The following PCDHGB4 variants were observed in gnomAD, a reference collection of about 807,000 sequenced individuals.
The protein encoded by PCDHGB4 is protocadherin gamma-B4.
In PCDHGB4, 38 loss-of-function variants were observed where a neutral mutation model predicts 60.5. That is an observed-to-expected ratio of 0.63 (90% confidence interval 0.48 to 0.82). The LOEUF is 0.82. PCDHGB4 is among the 40% of genes least tolerant of loss of function. The pLI, the probability that PCDHGB4 is intolerant of heterozygous loss-of-function variation, is 0.00. For missense variants in PCDHGB4, 1,109 were observed against 1,209.6 expected (o/e 0.92, Z 1.23); for synonymous variants, 456 against 509.7 (o/e 0.89, Z 1.42).
At chr5:141,496,121 C>G (rs1391009290) in intron 2 of PCDHGB4, among the ~76,000 whole-genome samples, 1 of 152,088 alleles carries the variant, frequency 6.6e-6, no homozygotes, top group Non-Finnish European at 1.5e-5. Context: ...TCCTTCCCTG[C>G]CCCTCACACA....
At chr5:141,414,629 G>A (rs2095766704) in intron 1 of PCDHGB4, 2 of 1,613,882 alleles carry the variant, frequency 1.2e-6, no homozygotes, top group Non-Finnish European at 1.7e-6. Context: ...GACCCGGACA[G>A]CAAAGAGAAT....
At chr5:141,434,980 CTA>C in intron 1 of PCDHGB4, among the ~76,000 whole-genome samples, 1 of 151,954 alleles carries the variant, frequency 6.6e-6, no homozygotes, top group East Asian at 1.9e-4. Flanking sequence ...TGTTAATACT[CTA>C]TATCATTTTC....
intron 1 of PCDHGB4, chr5:141,427,848 C>A: frequency 6.4e-7 from 1 of 1,551,668 alleles, no homozygotes; most frequent in Non-Finnish European, 8.8e-7. Flanking sequence ...CGACCACGAG[C>A]AGCTGTGCGC....
chr5:141,394,204 A>G (rs749979763), intron 1 of PCDHGB4: 4 of 1,613,914 alleles, frequency 2.5e-6, no homozygotes, highest in Non-Finnish European at 3.4e-6. Context: ...ATCCTAGAGA[A>G]CAACCTGAGA....
At position 141,402,030 on chromosome 5, in the gene PCDHGB4, A is replaced by C. The variant is rs188760101; in HGVS notation, c.2397+11749A>C. On this transcript the variant is annotated intron_variant, in intron 1 of 3. Transcript: ENST00000519479. Reference sequence around the variant, plus strand: ...ATATGCATTTGAATCATTGAAACACAGTCTGTGCATGCATTACATATTCAC... The same window carrying C: ...ATATGCATTTGAATCATTGAAACACCGTCTGTGCATGCATTACATATTCAC... Among the ~76,000 whole-genome samples the C allele has an allele frequency of 1.4e-3, 213 of 152,348 alleles. 1 individual carries two copies. The highest frequency in any genetic ancestry group is 4.8e-3 in the African/African-American group (199 of 41,586).
intron 1 of PCDHGB4, chr5:141,441,650 G>C (rs932742795): frequency 8.4e-6 from 2 of 238,510 alleles, no homozygotes; most frequent in African/African-American, 2.4e-5. Context: ...TGTGATTCTA[G>C]GTGTCCTTGA....
At chr5:141,406,436 T>C (rs1207276044) in intron 1 of PCDHGB4, among the ~76,000 whole-genome samples, 3 of 152,234 alleles carry the variant, frequency 2.0e-5, no homozygotes, top group Non-Finnish European at 4.4e-5. Context: ...TTGCTTCTAT[T>C]CTTCCATTTC....
chr5:141,506,085 G>A lies in PCDHGB4; in HGVS notation c.2545+604G>A, dbSNP rs532931472. Among the ~76,000 whole-genome samples the A allele has an allele frequency of 2.6e-4, 39 of 152,168 alleles. 1 individual carries two copies. In the South Asian group the frequency reaches 2.9e-3, roughly 11 times the overall value. On this transcript the variant is annotated intron_variant, in intron 3 of 3. Coordinates refer to ENST00000519479, the MANE Select transcript of PCDHGB4 (RefSeq NM_003736.4). ...AGGGCTTCCTTTGTAATAGAGATTC[G>A]GCTAGTGGTGGTTGTCCCTGAAGAG...
intron 1 of PCDHGB4, chr5:141,420,313 C>T (rs751944742): frequency 1.6e-5 from 23 of 1,434,756 alleles, no homozygotes; most frequent in Non-Finnish European, 2.2e-5. Flanking sequence ...TTTTATATTA[C>T]AATATGCCAA....
At chr5:141,483,854 T>C (rs2154580004) in intron 1 of PCDHGB4, among the ~76,000 whole-genome samples, 1 of 152,236 alleles carries the variant, frequency 6.6e-6, no homozygotes, top group South Asian at 2.1e-4. Flanking sequence ...ATTAAGAAAT[T>C]TCATGTCCAG....
intron 1 of PCDHGB4, chr5:141,492,073 G>C (rs2099736846): frequency 6.2e-6 from 3 of 480,898 alleles, no homozygotes; most frequent in Non-Finnish European, 1.1e-5. Flanking sequence ...CCTAGGCGCC[G>C]GCTCCGGCAC....
At position 141,432,360 on chromosome 5, in the gene PCDHGB4, C is replaced by T; in HGVS notation, c.2397+42079C>T. On this transcript the variant is annotated intron_variant, in intron 1 of 3. Transcript: ENST00000519479. This position sits in a 1 kb window ranked among gnomAD's most constrained non-coding sequence, Gnocchi z 6.0. Reference sequence around the variant, plus strand: ...CGAGACTTGCAAGTGAAAGTGATGGCGCGGGACAACGGGCACCCGCCCCTC... The same window carrying T: ...CGAGACTTGCAAGTGAAAGTGATGGTGCGGGACAACGGGCACCCGCCCCTC... 1.9e-6 allele frequency: 3 copies of T among 1,614,228 alleles called. No individual in the cohort carries two copies. The highest frequency in any genetic ancestry group is 1.1e-5 in the South Asian group (1 of 91,088).
intron 1 of PCDHGB4, chr5:141,422,827 A>T: frequency 6.2e-7 from 1 of 1,614,208 alleles, no homozygotes; most frequent in Non-Finnish European, 8.5e-7. Context: ...ACTGAGAGTG[A>T]TAGCACGTGA....
intron 1 of PCDHGB4, chr5:141,422,386 A>G: frequency 1.3e-6 from 2 of 1,587,922 alleles, no homozygotes; most frequent in Non-Finnish European, 1.7e-6. Flanking sequence ...CTCCTGTTTT[A>G]TTCCTAACCA....
At position 141,427,625 on chromosome 5, in the gene PCDHGB4, T is replaced by G. The variant is rs150347956; in HGVS notation, c.2397+37344T>G. On this transcript the variant is annotated intron_variant, in intron 1 of 3. Coordinates refer to ENST00000519479, the MANE Select transcript of PCDHGB4 (RefSeq NM_003736.4). Reference sequence around the variant, plus strand: ...GCATTGGTGAAGTCAACGACAATGCTCCGGTTTTCCACCAAGTCTCCTACG... The same window carrying G: ...GCATTGGTGAAGTCAACGACAATGCGCCGGTTTTCCACCAAGTCTCCTACG... The G allele has an allele frequency of 2.7e-3, 1,907 of 699,068 alleles. 5 individuals are homozygous for G. The highest frequency in any genetic ancestry group is 4.1e-3 in the Non-Finnish European group (1,558 of 384,098). The allele number at this position is 699,068 out of a possible 1,614,324, so 43.3% of individuals were successfully genotyped here.
chr5:141,431,460 A>C lies in PCDHGB4; in HGVS notation c.2397+41179A>C, dbSNP rs761879594. On this transcript the variant is annotated intron_variant, in intron 1 of 3. Coordinates refer to ENST00000519479, the MANE Select transcript of PCDHGB4 (RefSeq NM_003736.4). This position sits in a 1 kb window ranked among gnomAD's most constrained non-coding sequence, Gnocchi z 4.8. ...GCGCGCATCCGCGTGATGGTTCTGGATGCGAACGACAACGCACCAGCGTTT... is the reference window on the plus strand; with the variant it reads ...GCGCGCATCCGCGTGATGGTTCTGGCTGCGAACGACAACGCACCAGCGTTT... 8.1e-6 allele frequency: 13 copies of C among 1,613,676 alleles called. No individual in the cohort carries two copies. The highest frequency in any genetic ancestry group is 1.1e-5 in the Non-Finnish European group (13 of 1,179,984).
At chr5:141,410,526 C>T in intron 1 of PCDHGB4, 4 of 1,613,920 alleles carry the variant, frequency 2.5e-6, no homozygotes, top group Non-Finnish European at 3.4e-6. Context: ...CCCCTACATT[C>T]CAATGAAGAC....
Position 141,489,857 on chromosome 5 carries a change from C to T in PCDHGB4, c.2398-4950C>T. 2 of 1,614,166 alleles carry T rather than the reference C, an allele frequency of 1.2e-6. No individual in the cohort carries two copies. On this transcript the variant is annotated intron_variant, in intron 1 of 3. Coordinates refer to ENST00000519479, the MANE Select transcript of PCDHGB4 (RefSeq NM_003736.4). This position sits in a 1 kb window ranked among gnomAD's most constrained non-coding sequence, Gnocchi z 4.5. ...CAGCAGCTGGATCGTGAAGCCCAGGCAAGACATCAGCTGGTGCTTACTGCT... is the reference window on the plus strand; with the variant it reads ...CAGCAGCTGGATCGTGAAGCCCAGGTAAGACATCAGCTGGTGCTTACTGCT...
intron 1 of PCDHGB4, chr5:141,419,816 C>T (rs910172118): frequency 1.2e-6 from 2 of 1,614,058 alleles, no homozygotes; most frequent in Non-Finnish European, 8.5e-7. Context: ...AGGACAGCCA[C>T]CCCTTTCAGC....
Sources: gnomAD v4.1 joint callset for allele counts (sites outside exome capture counted in the v4.1 genomes callset) on GRCh38, gnomAD v4.1.1 for gene constraint, Gnocchi (gnomAD v3.1) non-coding constraint, MANE v1.5 for transcripts, NCBI Gene and HGNC (gene_info 2026-07-23, HGNC 2026-07-21) for gene names.